ILRUN: variants seen among roughly 807,000 people sequenced by gnomAD.
ILRUN encodes inflammation and lipid regulator with UBA-like and NBR1-like domains, also known as protein ILRUN.
A neutral mutation model predicts 33.8 loss-of-function variants in ILRUN; 3 were observed. The observed-to-expected ratio is 0.09, with a 90% CI of 0.04 to 0.23. The LOEUF (loss-of-function observed/expected upper bound fraction) is 0.23. Among genes scored for constraint, ILRUN ranks in the 10% least tolerant of loss-of-function variants. ILRUN has a pLI of 1.00. For synonymous variants in ILRUN, 124 were observed against 138.9 expected, an observed-to-expected ratio of 0.89 and a Z score of 0.75; for missense variants, 210 against 375.1, an observed-to-expected ratio of 0.56 and a Z score of 3.64.
chr6:34,615,536 C>G (rs1042998993), intron 3 of ILRUN, among the ~76,000 whole-genome samples: 1 of 152,126 alleles, frequency 6.6e-6, no homozygotes, highest in Non-Finnish European at 1.5e-5. Context: ...GGGCAGGTTG[C>G]AGTGAGCCGA....
At chr6:34,642,516 G>A (rs1050244505) in intron 3 of ILRUN, among the ~76,000 whole-genome samples, 2 of 152,012 alleles carry the variant, frequency 1.3e-5, no homozygotes, top group African/African-American at 2.4e-5. Context: ...GATGAAACAC[G>A]GCTTTACCAC....
rs1484325253 is a variant in ILRUN, at chr6:34,623,854, T to C, written c.512-16950A>G. ...AATACTTCTTTTTCTTTTTGTTTTT[T>C]TGAGTCTCACTCTGTTGCCCAGGCT... On this transcript the variant is annotated intron_variant, in intron 3 of 4. Transcript: ENST00000374023. Among the ~76,000 whole-genome samples, 3 of 152,186 alleles carry C rather than the reference T, an allele frequency of 2.0e-5. No homozygotes were observed. In the South Asian group the frequency reaches 6.2e-4, roughly 32 times the overall value.
intron 3 of ILRUN, among the ~76,000 whole-genome samples, chr6:34,645,696 T>G (rs1041744072): frequency 6.6e-6 from 1 of 152,156 alleles, no homozygotes; most frequent in South Asian, 2.1e-4. Flanking sequence ...CTGGGAGATG[T>G]TAAAAGTTCT....
In ILRUN at chr6:34,688,420, AT is replaced by A. The variant is rs1296022383; in HGVS notation, c.158+8025del. ...CCTGTCTCAAAAAAAAAAAAAAAAAATGAAGTACTGATACATACTACAACAT... is the reference window on the plus strand; with the variant it reads ...CCTGTCTCAAAAAAAAAAAAAAAAAAGAAGTACTGATACATACTACAACAT... On this transcript the variant is annotated intron_variant, in intron 1 of 4. Transcript: ENST00000374023. Among the ~76,000 whole-genome samples, 46 of 144,978 alleles carry A rather than the reference AT, an allele frequency of 3.2e-4. 1 individual carries two copies. Among genetic ancestry groups the A allele is most frequent in the Admixed American group, 3.1e-3 (45 of 14,624 alleles).
chr6:34,597,928 G>A (rs1473234755), intron 4 of ILRUN, among the ~76,000 whole-genome samples: 6 of 152,048 alleles, frequency 3.9e-5, no homozygotes, highest in Non-Finnish European at 8.8e-5. Flanking sequence ...TCCATCAAGG[G>A]ATCAATTTCT....
At chr6:34,684,934 G>A (rs1032084766) in intron 1 of ILRUN, among the ~76,000 whole-genome samples, 1 of 152,158 alleles carries the variant, frequency 6.6e-6, no homozygotes, top group African/African-American at 2.4e-5. Context: ...TTCTGTATCT[G>A]GGAAGCAACA....
chr6:34,686,275 C>T lies in ILRUN; in HGVS notation c.158+10171G>A, dbSNP rs149477119. Among the ~76,000 whole-genome samples the T allele has an allele frequency of 7.4e-3, 1,118 of 152,010 alleles. 21 individuals carry two copies. Among genetic ancestry groups the T allele is most frequent in the African/African-American group, 0.026 (1,063 of 41,488 alleles). On this transcript the variant is annotated intron_variant, in intron 1 of 4. Coordinates refer to ENST00000374023, the MANE Select transcript of ILRUN (RefSeq NM_024294.4). ...CAGCACTTTGGGAGGCTGAGGTGGG[C>T]GGATCATGAGGTCAGGAGATCGAGA... is the stretch of plus-strand genomic sequence containing the variant.
At chr6:34,682,018 A>ATCCTTTT (rs1763369079) in intron 1 of ILRUN, among the ~76,000 whole-genome samples, 1 of 103,818 alleles carries the variant, frequency 9.6e-6, no homozygotes, top group Non-Finnish European at 2.1e-5. Context: ...CACCCCACTA[A>ATCCTTTT]TTCTTATATT....
At chr6:34,607,649 C>A (rs1287366315) in intron 3 of ILRUN, among the ~76,000 whole-genome samples, 1 of 151,946 alleles carries the variant, frequency 6.6e-6, no homozygotes, top group Non-Finnish European at 1.5e-5. Context: ...ATAGAGTGTA[C>A]AAAACCTAGA....
chr6:34,597,737 T>C lies in ILRUN; in HGVS notation c.862-7137A>G, dbSNP rs191719943. Among the ~76,000 whole-genome samples, 6 of 152,312 alleles carry C rather than the reference T, an allele frequency of 3.9e-5. No individual in the cohort carries two copies. The East Asian group carries it at 1.2e-3, about 29-fold the overall frequency. ...GCACTCTCTCCTTTCATATTAAATG[T>C]GAACTCTCCTTTGCTTGGCTTTTAA... On this transcript the variant is annotated intron_variant, in intron 4 of 4. Transcript: ENST00000374023.
At chr6:34,616,145 C>T (rs1761887749) in intron 3 of ILRUN, among the ~76,000 whole-genome samples, 1 of 152,160 alleles carries the variant, frequency 6.6e-6, no homozygotes, top group African/African-American at 2.4e-5. Context: ...TTGGATGCTT[C>T]TGATCTTTAG....
At chr6:34,596,399 C>G (rs1761400879) in intron 4 of ILRUN, among the ~76,000 whole-genome samples, 1 of 152,184 alleles carries the variant, frequency 6.6e-6, no homozygotes, top group South Asian at 2.1e-4. Flanking sequence ...TCACTGTAAC[C>G]TCTACCTCCT....
intron 1 of ILRUN, among the ~76,000 whole-genome samples, chr6:34,668,248 A>T (rs1362695312): frequency 6.6e-6 from 1 of 152,236 alleles, no homozygotes; most frequent in Non-Finnish European, 1.5e-5. Flanking sequence ...CATACAAATT[A>T]ACAATTCCCT....
In ILRUN at chr6:34,646,785, C is replaced by A. The variant is rs1223396839; in HGVS notation, c.327G>T (p.Trp109Cys). Residue 109 changes from tryptophan to cysteine, a missense_variant, in exon 3 of 5, where the codon TGG becomes TGT. Physicochemically the swap from Trp to Cys is radical, Grantham distance 215 (BLOSUM62 -2). Around this residue, in one of 4 missense-constraint regions of ILRUN, gnomAD observed 8 missense variants for 45.6 expected, o/e 0.18. Transcript: ENST00000374023. This position sits in a 1 kb window ranked among gnomAD's most constrained non-coding sequence, Gnocchi z 4.9. ...CATATTTAAGACAAACCCCTGGAGGCCAGGCCTCTGCCCCTGAGTTCAAGC... is the reference window on the plus strand; with the variant it reads ...CATATTTAAGACAAACCCCTGGAGGACAGGCCTCTGCCCCTGAGTTCAAGC... Reference protein sequence around the residue: ...WRIQNSGAEAWPPGVCLKYVG... With the variant: ...WRIQNSGAEACPPGVCLKYVG... 1 of 1,613,856 alleles carries A rather than the reference C, an allele frequency of 6.2e-7. No individual in the cohort carries two copies. The highest frequency in any genetic ancestry group is 8.5e-7 in the Non-Finnish European group (1 of 1,180,034).
intron 4 of ILRUN, among the ~76,000 whole-genome samples, chr6:34,595,107 C>T (rs529675089): frequency 6.6e-6 from 1 of 152,326 alleles, no homozygotes; most frequent in Admixed American, 6.5e-5. Context: ...AATTTAAGAT[C>T]TAGTACTTAT....
At chr6:34,631,904 T>TA (rs894296198) in intron 3 of ILRUN, among the ~76,000 whole-genome samples, 81 of 151,652 alleles carry the variant, frequency 5.3e-4, no homozygotes, top group African/African-American at 1.8e-3. Context: ...TTACCTCAAT[T>TA]AAAAAAAAAT....
At chr6:34,605,559 G>A (rs1308394787) in intron 4 of ILRUN, among the ~76,000 whole-genome samples, 2 of 152,072 alleles carry the variant, frequency 1.3e-5, no homozygotes, top group Non-Finnish European at 2.9e-5. Context: ...AGCCCGGGAG[G>A]TGGAGGTTGC....
At chr6:34,649,473 A>G (rs1164072357) in intron 2 of ILRUN, among the ~76,000 whole-genome samples, 1 of 152,222 alleles carries the variant, frequency 6.6e-6, no homozygotes, top group African/African-American at 2.4e-5. Context: ...GTTAAGTATC[A>G]CAATCAAGTA....
intron 3 of ILRUN, among the ~76,000 whole-genome samples, chr6:34,639,801 A>T (rs1762433484): frequency 6.6e-6 from 1 of 152,222 alleles, no homozygotes; most frequent in Non-Finnish European, 1.5e-5. Context: ...TTGTTAATTT[A>T]TAACTATAAT....
Sources: gnomAD v4.1 joint callset for allele counts (sites outside exome capture counted in the v4.1 genomes callset) on GRCh38, gnomAD v4.1.1 for gene constraint, gnomAD v4.1.1 regional missense constraint, Gnocchi (gnomAD v3.1) non-coding constraint, MANE v1.5 for transcripts, NCBI Gene and HGNC (gene_info 2026-07-23, HGNC 2026-07-21) for gene names.